PCLO: variants seen among roughly 807,000 people sequenced by gnomAD.
PCLO encodes protein piccolo.
A neutral mutation model predicts 427.5 loss-of-function variants in PCLO; 82 were observed. The ratio of observed to expected loss-of-function variants is 0.19; its 90% CI spans 0.16 to 0.23. PCLO has a LOEUF of 0.23. Ranked by LOEUF, PCLO falls within the 10% of genes least tolerant of loss-of-function variation. The pLI, the probability that PCLO is intolerant of heterozygous loss-of-function variation, is 1.00. For missense variants in PCLO, 6,239 were observed against 6,115.9 expected, an observed-to-expected ratio of 1.02 and a Z score of -0.67; for synonymous variants, 2,357 against 2,155.4, an observed-to-expected ratio of 1.09 and a Z score of -2.59.
chr7:82,935,680 T>C (rs890934810), intron 6 of PCLO, among the ~76,000 whole-genome samples: 7 of 151,672 alleles, frequency 4.6e-5, no homozygotes, highest in African/African-American at 1.7e-4. Context: ...GAAACTTCAT[T>C]TCACAACGCA....
intron 6 of PCLO, among the ~76,000 whole-genome samples, chr7:82,948,749 T>C (rs1478001660): frequency 2.6e-5 from 4 of 152,146 alleles, no homozygotes; most frequent in African/African-American, 7.2e-5. Context: ...TACCTATATA[T>C]TTGAAAATAA....
Position 83,044,243 on chromosome 7 carries a change from C to T in PCLO, c.3301-77756G>A, listed in dbSNP as rs185656132. 4.1e-4 allele frequency among the ~76,000 whole-genome samples: 63 copies of T among 152,242 alleles called. 3 individuals are homozygous for T. Among genetic ancestry groups the T allele is most frequent in the Admixed American group, 3.6e-3 (55 of 15,270 alleles). On this transcript the variant is annotated intron_variant, in intron 3 of 24. Transcript: ENST00000333891. Reference sequence around the variant, plus strand: ...GGGAACCGCCCCCATGATCCAATCACCTCCGTCCAGGTCCTTCCCTCCACA... The same window carrying T: ...GGGAACCGCCCCCATGATCCAATCATCTCCGTCCAGGTCCTTCCCTCCACA...
chr7:82,793,169 G>A (rs192299384), intron 22 of PCLO, among the ~76,000 whole-genome samples: 18 of 151,988 alleles, frequency 1.2e-4, no homozygotes, highest in African/African-American at 2.9e-4. Flanking sequence ...CACTGCCCAC[G>A]TGCAGCCTAG....
intron 3 of PCLO, among the ~76,000 whole-genome samples, chr7:83,030,320 C>G (rs1361515202): frequency 6.6e-6 from 1 of 151,888 alleles, no homozygotes. Flanking sequence ...AGGGGATATC[C>G]CTTCGATCTG....
chr7:83,053,844 GA>G (rs1001025937), intron 3 of PCLO, among the ~76,000 whole-genome samples: 2 of 151,660 alleles, frequency 1.3e-5, no homozygotes, highest in Non-Finnish European at 1.5e-5. Flanking sequence ...CACCCCAGAG[GA>G]AAAAAATGTC....
Position 83,134,356 on chromosome 7 carries a change from T to C in PCLO, c.3194A>G (p.Glu1065Gly). 1 of 1,613,304 alleles carries C rather than the reference T, an allele frequency of 6.2e-7. No homozygotes were observed. Among genetic ancestry groups the C allele is most frequent in the Non-Finnish European group, 8.5e-7 (1 of 1,179,598 alleles). The change falls in exon 3 of 25, where the codon GAA (glutamate) becomes GGA (glycine). Residue 1065 changes from glutamate (E) to glycine (G), a missense_variant. Transcript: ENST00000333891. The part of the protein sequence containing the change: ...PESTCPLCKT[E>G]LNIGSKDPPN... ...AGGATCCTTAGAACCTATGTTGAGTTCAGTTTTGCAGAGAGGACAGGTTGA... is the reference window on the plus strand; with the variant it reads ...AGGATCCTTAGAACCTATGTTGAGTCCAGTTTTGCAGAGAGGACAGGTTGA...
intron 3 of PCLO, among the ~76,000 whole-genome samples, chr7:83,005,812 A>G (rs566686603): frequency 6.6e-6 from 1 of 151,758 alleles, no homozygotes; most frequent in African/African-American, 2.4e-5. Context: ...AAGGAATACA[A>G]CTTTCAAATT....
intron 3 of PCLO, among the ~76,000 whole-genome samples, chr7:83,048,390 T>C (rs936605443): frequency 2.0e-5 from 3 of 152,142 alleles, no homozygotes; most frequent in Non-Finnish European, 4.4e-5. Flanking sequence ...CTAGACTAAA[T>C]TATCTTGCCA....
intron 3 of PCLO, among the ~76,000 whole-genome samples, chr7:82,985,768 G>A (rs539456772): frequency 3.3e-5 from 5 of 151,798 alleles, no homozygotes; most frequent in African/African-American, 4.8e-5. Flanking sequence ...GTAGAAAGTC[G>A]AGACTTTTTA....
chr7:82,874,681 T>C (rs1793326609), intron 10 of PCLO, among the ~76,000 whole-genome samples: 1 of 152,148 alleles, frequency 6.6e-6, no homozygotes, highest in African/African-American at 2.4e-5. Context: ...TTAAGTCTAT[T>C]AGGTAAGATG....
At chr7:82,876,504 T>C (rs1281531198) in intron 10 of PCLO, among the ~76,000 whole-genome samples, 1 of 140,538 alleles carries the variant, frequency 7.1e-6, no homozygotes, top group Non-Finnish European at 1.5e-5. Context: ...CACACACACG[T>C]ACCAGTAAAT....
At chr7:82,765,214 C>T (rs1790508928) in intron 22 of PCLO, among the ~76,000 whole-genome samples, 1 of 151,628 alleles carries the variant, frequency 6.6e-6, no homozygotes, top group Admixed American at 6.6e-5. Flanking sequence ...GAAATGATCA[C>T]ATGAAAATAA....
At chr7:82,920,664 T>C (rs1794575056) in intron 6 of PCLO, among the ~76,000 whole-genome samples, 1 of 151,804 alleles carries the variant, frequency 6.6e-6, no homozygotes, top group African/African-American at 2.4e-5. Context: ...AGTTAATTTA[T>C]ATAATGCAAT....
At chr7:83,146,603 T>G (rs1223961660) in intron 2 of PCLO, among the ~76,000 whole-genome samples, 1 of 151,838 alleles carries the variant, frequency 6.6e-6, no homozygotes, top group East Asian at 1.9e-4. Context: ...AATACTTTTT[T>G]TTTTTTTTTT....
intron 12 of PCLO, 35 bp from the exon 13 acceptor site, chr7:82,845,520 C>T (rs752861755): frequency 9.3e-6 from 13 of 1,391,522 alleles, no homozygotes; most frequent in African/African-American, 2.8e-5. Context: ...CATACTTCTC[C>T]ATTTCATAGG....
At chr7:82,809,128 CAAAT>C (rs942001652) in intron 20 of PCLO, among the ~76,000 whole-genome samples, 13 of 151,750 alleles carry the variant, frequency 8.6e-5, no homozygotes, top group African/African-American at 3.1e-4. Flanking sequence ...TTTTTTTTAA[CAAAT>C]AAAGTGTATT....
At chr7:82,763,184 C>T (rs556535874) in intron 22 of PCLO, among the ~76,000 whole-genome samples, 1 of 152,158 alleles carries the variant, frequency 6.6e-6, no homozygotes, top group East Asian at 1.9e-4. Flanking sequence ...GTGAAACTGG[C>T]ATTTTTTTCC....
chr7:83,086,701 C>T (rs996715963), intron 3 of PCLO, among the ~76,000 whole-genome samples: 2 of 151,988 alleles, frequency 1.3e-5, no homozygotes, highest in African/African-American at 2.4e-5. Flanking sequence ...TTTTCAAATC[C>T]TTTGATTGAA....
At chr7:82,762,528 T>C (rs982331450) in intron 22 of PCLO, among the ~76,000 whole-genome samples, 4 of 151,986 alleles carry the variant, frequency 2.6e-5, no homozygotes, top group African/African-American at 4.8e-5. Flanking sequence ...TCAAAAAAAA[T>C]TGACAGTCTT....
Sources: allele counts gnomAD v4.1 joint callset (sites outside exome capture counted in the v4.1 genomes callset), GRCh38; gene constraint gnomAD v4.1.1; transcripts MANE v1.5; gene names NCBI Gene and HGNC (gene_info 2026-07-23, HGNC 2026-07-21).